The following NRF1 variants were observed in gnomAD, a reference collection of about 807,000 sequenced individuals.
NRF1 encodes the protein nuclear respiratory factor 1, also known as alpha palindromic-binding protein.
Under a neutral mutation model 58.5 loss-of-function variants are expected in NRF1, and 5 were observed. The ratio of observed to expected loss-of-function variants is 0.09; its 90% CI spans 0.04 to 0.18. The LOEUF is 0.18. Among genes scored for constraint, NRF1 ranks in the 10% least tolerant of loss-of-function variants. The pLI is 1.00. For synonymous variants in NRF1, 224 were observed against 246.7 expected, an observed-to-expected ratio of 0.91 and a Z score of 0.86; for missense variants, 288 against 657.7, an observed-to-expected ratio of 0.44 and a Z score of 6.15.
chr7:129,673,475 A>G (rs896432736), intron 3 of NRF1, among the ~76,000 whole-genome samples: 19 of 152,160 alleles, frequency 1.2e-4, no homozygotes, highest in Non-Finnish European at 2.4e-4. Context: ...CACGCCTGTA[A>G]TCCCAGCACT....
chr7:129,652,583 T>C (rs912312978), intron 1 of NRF1, among the ~76,000 whole-genome samples: 1 of 152,128 alleles, frequency 6.6e-6, no homozygotes, highest in Non-Finnish European at 1.5e-5. Flanking sequence ...TTCTTCCTTT[T>C]TTAAAATTTA....
intron 10 of NRF1, among the ~76,000 whole-genome samples, chr7:129,749,369 T>C (rs1380460859): frequency 6.6e-6 from 1 of 151,966 alleles, no homozygotes; most frequent in African/African-American, 2.4e-5. Flanking sequence ...TGCCATTTAT[T>C]TGGGAAGAGA....
Position 129,716,869 on chromosome 7 carries a change from C to CAA in NRF1, c.1066-337_1066-336dup, listed in dbSNP as rs35766307. ...TGGGCGACAGAGGGAGACTCCCTCT[C>CAA]AAAAAAAAAAAAAAGGTACAGTGGA... On this transcript the variant is annotated intron_variant, in intron 8 of 10. Coordinates refer to ENST00000393232, the MANE Select transcript of NRF1 (RefSeq NM_005011.5). Among the ~76,000 whole-genome samples the CAA allele has an allele frequency of 8.8e-4, 126 of 143,136 alleles. 1 individual carries two copies. Among genetic ancestry groups the CAA allele is most frequent in the Middle Eastern group, 7.1e-3 (2 of 282 alleles). The allele number at this position is 143,136 out of a possible 152,430, so 93.9% of individuals were successfully genotyped here.
At chr7:129,640,853 G>T (rs950283998) in intron 1 of NRF1, among the ~76,000 whole-genome samples, 1 of 152,162 alleles carries the variant, frequency 6.6e-6, no homozygotes, top group Non-Finnish European at 1.5e-5. Context: ...AGCATTTTAG[G>T]TTTGCCTCTG....
chr7:129,746,509 A>C (rs1013275773), intron 10 of NRF1, among the ~76,000 whole-genome samples: 3 of 152,106 alleles, frequency 2.0e-5, no homozygotes, highest in African/African-American at 7.2e-5. Flanking sequence ...GGCTTTCCTT[A>C]GACGTCAGCC....
intron 1 of NRF1, among the ~76,000 whole-genome samples, chr7:129,622,926 AATTT>A (rs1238665142): frequency 1.3e-5 from 2 of 152,168 alleles, no homozygotes; most frequent in African/African-American, 4.8e-5. Flanking sequence ...TCACACTATC[AATTT>A]ATTTTTACCT....
intron 1 of NRF1, among the ~76,000 whole-genome samples, chr7:129,620,056 C>G (rs1800758035): frequency 6.6e-6 from 1 of 152,062 alleles, no homozygotes; most frequent in Non-Finnish European, 1.5e-5. Context: ...AGTCAAGGGC[C>G]TTTACTAAAT....
At chr7:129,711,409 C>A in intron 7 of NRF1, 66 bp from the exon 8 acceptor site, 1 of 1,221,020 alleles carries the variant, frequency 8.2e-7, no homozygotes, top group Non-Finnish European at 1.2e-6. Flanking sequence ...TGAGTCTCAG[C>A]TTCTGAGTAA....
In NRF1 at chr7:129,688,667, G is replaced by A. The variant is rs62489298; in HGVS notation, c.466-1739G>A. ...CATGGCAGAAGGGGAAGCAAGGCAC[G>A]TCTTACATAGTGGCAGGAGAGAGAC... On this transcript the variant is annotated intron_variant, in intron 4 of 10. Coordinates refer to ENST00000393232, the MANE Select transcript of NRF1 (RefSeq NM_005011.5). Among the ~76,000 whole-genome samples, 1,228 of 151,514 alleles carry A rather than the reference G, an allele frequency of 8.1e-3. 6 individuals are homozygous for A. The highest frequency in any genetic ancestry group is 0.011 in the South Asian group (55 of 4,830).
intron 9 of NRF1, among the ~76,000 whole-genome samples, chr7:129,717,957 C>A (rs1337677428): frequency 6.6e-6 from 1 of 152,188 alleles, no homozygotes; most frequent in Non-Finnish European, 1.5e-5. Flanking sequence ...ATTTTACTTG[C>A]TTTTGAGAAA....
intron 1 of NRF1, among the ~76,000 whole-genome samples, chr7:129,616,420 A>G (rs1299112793): frequency 2.0e-5 from 3 of 152,216 alleles, no homozygotes; most frequent in Admixed American, 6.5e-5. Context: ...CTGTCTTTAC[A>G]GAATATTTAA....
At chr7:129,644,217 C>G (rs1209618351) in intron 1 of NRF1, among the ~76,000 whole-genome samples, 1 of 152,176 alleles carries the variant, frequency 6.6e-6, no homozygotes, top group African/African-American at 2.4e-5. Flanking sequence ...ATTTTTTAAG[C>G]TCTTATAACC....
At chr7:129,717,187 G>C in intron 8 of NRF1, 32 bp from the exon 9 acceptor site, 1 of 1,552,124 alleles carries the variant, frequency 6.4e-7, no homozygotes, top group Non-Finnish European at 8.7e-7. Flanking sequence ...TTGTGGCTTT[G>C]TTTTTTTACT....
At chr7:129,638,562 C>G (rs985225111) in intron 1 of NRF1, among the ~76,000 whole-genome samples, 1 of 152,048 alleles carries the variant, frequency 6.6e-6, no homozygotes, top group Non-Finnish European at 1.5e-5. Flanking sequence ...AGAATTTTAT[C>G]AAAGATTACA....
intron 1 of NRF1, among the ~76,000 whole-genome samples, chr7:129,628,084 C>T (rs1189988679): frequency 7.4e-6 from 1 of 134,412 alleles, no homozygotes; most frequent in African/African-American, 2.8e-5. Flanking sequence ...TGCTCTGTCG[C>T]CCAGGCAGGA....
chr7:129,722,351 A>T (rs949197042), intron 9 of NRF1, among the ~76,000 whole-genome samples: 9 of 151,828 alleles, frequency 5.9e-5, no homozygotes, highest in Admixed American at 5.9e-4. Flanking sequence ...AGATCACACC[A>T]GTGCACTCCA....
At chr7:129,644,125 A>G (rs1470372786) in intron 1 of NRF1, among the ~76,000 whole-genome samples, 2 of 152,076 alleles carry the variant, frequency 1.3e-5, no homozygotes, top group African/African-American at 2.4e-5. Context: ...AGCAAATATC[A>G]CTAGAATAGG....
chr7:129,706,998 T>G (rs1036538932), intron 5 of NRF1, among the ~76,000 whole-genome samples: 107 of 152,268 alleles, frequency 7.0e-4, no homozygotes, highest in African/African-American at 2.5e-3. Flanking sequence ...TTTTGTTTTG[T>G]TTTGTTTTGT....
At position 129,660,794 on chromosome 7, in the gene NRF1, A is replaced by G. The variant is rs552772238; in HGVS notation, c.223+3220A>G. 5.6e-4 allele frequency among the ~76,000 whole-genome samples: 85 copies of G among 150,736 alleles called. 7 individuals are homozygous for G. The highest frequency in any genetic ancestry group is 1.9e-3 in the African/African-American group (75 of 40,146). On this transcript the variant is annotated intron_variant, in intron 2 of 10. Coordinates refer to ENST00000393232, the MANE Select transcript of NRF1 (RefSeq NM_005011.5). ...GATGCAAGCTGTCGGTGGATCTACT[A>G]TTCTGGGGGCTGGAGGACAGTGGCC...
Sources: gnomAD v4.1 joint callset for allele counts (sites outside exome capture counted in the v4.1 genomes callset) on GRCh38, gnomAD v4.1.1 for gene constraint, MANE v1.5 for transcripts, NCBI Gene and HGNC (gene_info 2026-07-23, HGNC 2026-07-21) for gene names.